The following LHX9 variants were observed in gnomAD, a reference collection of about 807,000 sequenced individuals.
LHX9 encodes the protein LIM homeobox 9.
LHX9 carries 9 observed loss-of-function variants against 36.5 expected under a neutral mutation model. The ratio of observed to expected loss-of-function variants is 0.25; its 90% confidence interval spans 0.15 to 0.43. The LOEUF is 0.43. Among genes scored for constraint, LHX9 ranks in the 20% least tolerant of loss-of-function variants. LHX9 has a pLI of 1.00. For missense variants in LHX9, 464 were observed against 526.4 expected (o/e 0.88, Z 1.16); for synonymous variants, 211 against 212.1 (o/e 0.99, Z 0.04).
At chr1:197,927,932 G>C in intron 4 of LHX9, 139 bp downstream of exon 4, 1 of 846,050 alleles carries the variant, frequency 1.2e-6, no homozygotes, top group Non-Finnish European at 1.8e-6. Context: ...TCCCTAGAGG[G>C]TGTTCTGAGA....
intron 1 of LHX9, 43 bp downstream of exon 1, chr1:197,918,040 G>T: frequency 6.3e-7 from 1 of 1,591,184 alleles, no homozygotes; most frequent in Non-Finnish European, 8.5e-7. Flanking sequence ...GCACCCCTGC[G>T]CCCTCTGTTA....
In LHX9 at chr1:197,921,677, A is replaced by AC; in HGVS notation, c.733+23dup. 1 of 1,533,350 alleles carries AC rather than the reference A, an allele frequency of 6.5e-7. No homozygotes were observed. The highest frequency in any genetic ancestry group is 8.8e-7 in the Non-Finnish European group (1 of 1,142,464). 95.0% of individuals were successfully genotyped at this position (1,533,350 alleles called of 1,614,324 possible). On this transcript the variant is annotated intron_variant, in intron 3 of 4. Coordinates refer to ENST00000367387, the MANE Select transcript of LHX9 (RefSeq NM_020204.3). This position sits in a 1 kb window ranked among gnomAD's most constrained non-coding sequence, Gnocchi z 4.6. Reference sequence around the variant, plus strand: ...CAACTCAGGTGTGCCTCCTATCCTCACCCCCGGCGCAGCCCCGGCCTCCCT... The same window carrying AC: ...CAACTCAGGTGTGCCTCCTATCCTCACCCCCCGGCGCAGCCCCGGCCTCCCT...
At chr1:197,920,231 C>T in intron 2 of LHX9, 57 bp downstream of exon 2, 2 of 1,541,674 alleles carry the variant, frequency 1.3e-6, no homozygotes, top group South Asian at 1.1e-5. Flanking sequence ...GGCCATCTGC[C>T]TGAGCCCGGA....
At chr1:197,914,422 C>T (rs1283552849), upstream of LHX9, among the ~76,000 whole-genome samples, 2 of 151,940 alleles carry the variant, frequency 1.3e-5, no homozygotes, top group Non-Finnish European at 1.5e-5. Context: ...TGTCCCCAGC[C>T]ACCGGGCCTC....
rs778333620 is a variant in LHX9 at position 197,929,141 on chromosome 1, C to A, written c.1076C>A (p.Ala359Glu). The change falls in exon 5 of 5, where the codon GCG becomes GAG. Residue 359 changes from alanine (A) to glutamate (E), a missense_variant. Physicochemically the swap from Ala to Glu is moderately radical, Grantham distance 107. Around this residue, in one of 5 missense-constraint regions of LHX9, gnomAD observed 102 missense variants for 97.0 expected, o/e 1.05. Transcript: ENST00000367387. ...DSGALTPPGT[A>E]TTLTDLTNPT... ...GGAGCTCTCACTCCACCCGGCACTG[C>A]GACCACTTTAACAGACCTGACCAAT... 3 of 1,613,562 alleles carry A rather than the reference C, an allele frequency of 1.9e-6. No homozygotes were observed. The highest frequency in any genetic ancestry group is 2.2e-5 in the East Asian group (1 of 44,848).
intron 1 of LHX9, chr1:197,918,361 T>C (rs2102592059): frequency 1.4e-6 from 1 of 717,400 alleles, no homozygotes; most frequent in East Asian, 2.7e-5. Context: ...AAGCTGGGCA[T>C]AAGCAATAGG....
chr1:197,923,564 A>G (rs1386669385), intron 3 of LHX9, among the ~76,000 whole-genome samples: 3 of 151,724 alleles, frequency 2.0e-5, no homozygotes, highest in Admixed American at 2.0e-4. Flanking sequence ...TTTTTTTTGA[A>G]AGAAAGGATC....
chr1:197,919,228 G>A (rs1659888556), intron 1 of LHX9, among the ~76,000 whole-genome samples: 1 of 152,228 alleles, frequency 6.6e-6, no homozygotes, highest in Non-Finnish European at 1.5e-5. Flanking sequence ...TCGGGTCAGT[G>A]GGACCCAGAG....
At chr1:197,928,917 AAAG>A in intron 4 of LHX9, 82 bp from the exon 5 acceptor site, 1 of 1,385,680 alleles carries the variant, frequency 7.2e-7, no homozygotes, top group Non-Finnish European at 9.5e-7. Flanking sequence ...AAAGAAAGAA[AAAG>A]AAAAAAAGAA....
upstream of LHX9, chr1:197,917,117 CG>C (rs1659784731): frequency 6.7e-6 from 1 of 149,206 alleles, no homozygotes. Flanking sequence ...TGTGTGTGTG[CG>C]CGCGCGCGCG....
intron 1 of LHX9, among the ~76,000 whole-genome samples, chr1:197,919,411 C>G (rs1404125824): frequency 2.0e-5 from 3 of 152,212 alleles, no homozygotes; most frequent in East Asian, 1.9e-4. Context: ...AATTAGGGAA[C>G]AGCAGGGGCT....
chr1:197,918,626 A>C, intron 1 of LHX9: 1 of 527,642 alleles, frequency 1.9e-6, no homozygotes, highest in Non-Finnish European at 3.4e-6. Flanking sequence ...GAAATCAAAT[A>C]AAACATACGG....
chr1:197,919,900 C>A, intron 1 of LHX9, 72 bp from the exon 2 acceptor site: 1 of 1,533,554 alleles, frequency 6.5e-7, no homozygotes. Context: ...CTTGGTCTGC[C>A]TGGGGGAGAA....
chr1:197,919,982 C>G lies in LHX9; in HGVS notation c.185C>G (p.Pro62Arg), dbSNP rs747939801. 4.3e-6 allele frequency: 7 copies of G among 1,614,080 alleles called. No homozygotes were observed. The East Asian group carries it at 1.3e-4, about 31-fold the overall frequency. ...GTGCTTTCTTTGCAGGGCATGCCCC[C>G]GCTCAGCCCGGAGAAGCCCGCCCTG... The part of the protein sequence containing the change: ...QLNGRDAGMP[P>R]LSPEKPALCA... The change falls in exon 2 of 5, where the codon CCG (proline) becomes CGG (arginine). Residue 62 changes from proline (P) to arginine (R), a missense_variant. By Grantham distance (103) the Pro-to-Arg change is moderately radical (BLOSUM62 -2). Transcript: ENST00000367387.
chr1:197,914,835 T>C (rs897805648), upstream of LHX9, among the ~76,000 whole-genome samples: 8 of 152,218 alleles, frequency 5.3e-5, no homozygotes, highest in Non-Finnish European at 1.2e-4. Context: ...CAGGAACTTA[T>C]AACCTGAGTT....
intron 3 of LHX9, among the ~76,000 whole-genome samples, chr1:197,925,747 C>A (rs1660124250): frequency 6.6e-6 from 1 of 152,126 alleles, no homozygotes; most frequent in Non-Finnish European, 1.5e-5. Flanking sequence ...CATATGGTAG[C>A]CTTTCTGGTG....
upstream of LHX9, among the ~76,000 whole-genome samples, chr1:197,913,956 C>G (rs1321554712): frequency 3.9e-5 from 6 of 152,190 alleles, no homozygotes; most frequent in Admixed American, 1.3e-4. Context: ...TTCCTCCCCC[C>G]TAGGGAATTC....
rs543758975 is a variant in LHX9 at position 197,931,793 on chromosome 1, A to G, written c.*2534A>G. On this transcript the variant is annotated 3_prime_UTR_variant, in exon 5 of 5. Transcript: ENST00000367387. ...AATTGCATGGAACGAAACCTTAAATATGATTAAGATTTCATGTTAGGTCTA... is the reference window on the plus strand; with the variant it reads ...AATTGCATGGAACGAAACCTTAAATGTGATTAAGATTTCATGTTAGGTCTA... The G allele has an allele frequency of 4.8e-6, 3 of 621,956 alleles. No homozygotes were observed. Among genetic ancestry groups the G allele is most frequent in the African/African-American group, 3.7e-5 (2 of 54,540 alleles). The allele number at this position is 621,956 out of a possible 1,614,324, so 38.5% of individuals were successfully genotyped here.
upstream of LHX9, chr1:197,916,372 T>C (rs1659752974): frequency 2.4e-5 from 9 of 374,794 alleles, no homozygotes; most frequent in South Asian, 3.3e-4. Context: ...AGTGTGCGGG[T>C]GCGCCCAGTT....
Sources: allele counts gnomAD v4.1 joint callset (sites outside exome capture counted in the v4.1 genomes callset), GRCh38; gene constraint gnomAD v4.1.1; regional missense constraint gnomAD v4.1.1; non-coding constraint Gnocchi (gnomAD v3.1); transcripts MANE v1.5; gene names NCBI Gene and HGNC (gene_info 2026-07-23, HGNC 2026-07-21).